NDRG2: variants seen among roughly 807,000 people sequenced by gnomAD.
NDRG2 encodes NDRG family member 2.
NDRG2 carries 34 observed loss-of-function variants against 58.2 expected under a neutral mutation model. The observed-to-expected ratio is 0.58, with a 90% CI of 0.44 to 0.78. The LOEUF (loss-of-function observed/expected upper bound fraction) is 0.78, where lower values mean the gene tolerates loss of function less well. Among genes scored for constraint, NDRG2 ranks in the 30% least tolerant of loss-of-function variants. The probability of loss-of-function intolerance (pLI) is 0.00; values close to 1 mark genes in which losing one functional copy is unlikely to be tolerated. For synonymous variants in NDRG2, 187 were observed against 175.9 expected (o/e 1.06, Z -0.50); for missense variants, 434 against 471.2 (o/e 0.92, Z 0.73).
Position 21,070,482 on chromosome 14 carries a change from T to C in NDRG2, c.24+346A>G. ...GCCCCCAAGTCCTCAGCCTGGTGCCTCCCGAGCCTGCCTCGGACTGTTCGG... is the reference window on the plus strand; with the variant it reads ...GCCCCCAAGTCCTCAGCCTGGTGCCCCCCGAGCCTGCCTCGGACTGTTCGG... On this transcript the variant is annotated intron_variant, in intron 1 of 14. Coordinates refer to the NDRG2 transcript ENST00000403829. The surrounding 1 kb of genome is among the most constrained non-coding windows in gnomAD (Gnocchi z 4.7). 1 of 1,343,074 alleles carries C rather than the reference T, an allele frequency of 7.4e-7. No homozygotes were observed. The highest frequency in any genetic ancestry group is 1.9e-5 in the South Asian group (1 of 51,724). The allele number at this position is 1,343,074 out of a possible 1,614,324, so 83.2% of individuals were successfully genotyped here.
chr14:21,044,618 C>T (rs1885062095), intron 1 of NDRG2, among the ~76,000 whole-genome samples: 1 of 152,188 alleles, frequency 6.6e-6, no homozygotes, highest in Non-Finnish European at 1.5e-5. Context: ...CCCTGGGCTA[C>T]AGATACCATT....
At chr14:21,034,862 G>A (rs370986689) in intron 1 of NDRG2, 158 of 153,246 alleles carry the variant, frequency 1.0e-3, no homozygotes, top group Middle Eastern at 3.4e-3. Context: ...GAGGAAAGAG[G>A]CATTACTATC....
At chr14:21,041,254 C>G (rs938108698) in intron 1 of NDRG2, among the ~76,000 whole-genome samples, 2 of 152,162 alleles carry the variant, frequency 1.3e-5, no homozygotes, top group Non-Finnish European at 2.9e-5. Flanking sequence ...CATGGCCTCC[C>G]AAAGTGCTAG....
chr14:21,053,424 G>A (rs1211287806), intron 1 of NDRG2, among the ~76,000 whole-genome samples: 7 of 152,102 alleles, frequency 4.6e-5, no homozygotes, highest in African/African-American at 1.4e-4. Context: ...TCAGGAGTTC[G>A]AGACCAGCCT....
chr14:21,021,920 C>T, intron 5 of NDRG2, 41 bp from the exon 6 acceptor site: 2 of 1,611,412 alleles, frequency 1.2e-6, no homozygotes, highest in Non-Finnish European at 1.7e-6. Flanking sequence ...CCAACCTGCC[C>T]TCACACCCCC....
chr14:21,033,560 G>C (rs1220241555), intron 1 of NDRG2: 2 of 526,940 alleles, frequency 3.8e-6, no homozygotes, highest in Non-Finnish European at 6.9e-6. Context: ...TTCTTGGGTG[G>C]GTTTTACTGT....
intron 1 of NDRG2, among the ~76,000 whole-genome samples, chr14:21,039,126 A>C (rs2139105523): frequency 6.6e-6 from 1 of 152,328 alleles, no homozygotes; most frequent in African/African-American, 2.4e-5. Context: ...TTGGCTCTGA[A>C]GGGTAGGCAC....
chr14:21,020,224 G>A, intron 8 of NDRG2: 3 of 545,702 alleles, frequency 5.5e-6, no homozygotes, highest in Non-Finnish European at 6.5e-6. Context: ...AACCCAGGAA[G>A]CAGAGGTTGC....
chr14:21,043,068 G>C lies in NDRG2; in HGVS notation c.25-19747C>G, dbSNP rs376063080. On this transcript the variant is annotated intron_variant, in intron 1 of 14. Transcript: ENST00000403829. ...GGGGCTGTGGGTGGCAGAGATCCCA[G>C]TCAGTGCCAAGCCCAAGGGCATGAC... 4.3e-5 allele frequency: 70 copies of C among 1,614,082 alleles called. No individual in the cohort carries two copies. Among genetic ancestry groups the C allele is most frequent in the Middle Eastern group, 1.6e-4 (1 of 6,084 alleles).
rs1287162382 is a variant in NDRG2 at position 21,070,802 on chromosome 14, C to T, written c.24+26G>A. The T allele has an allele frequency of 7.8e-6, 12 of 1,535,298 alleles. No individual in the cohort carries two copies. The highest frequency in any genetic ancestry group is 2.0e-5 in the Admixed American group (1 of 50,978). On this transcript the variant is annotated intron_variant, in intron 1 of 14. Transcript: ENST00000403829. This position sits in a 1 kb window ranked among gnomAD's most constrained non-coding sequence, Gnocchi z 4.7. ...TCCTGCAGCGACCCTGGAAGAGGCC[C>T]GGCCCCTCGGGTCATGAGAACTGAC...
chr14:21,069,195 CG>C (rs1269643810), intron 1 of NDRG2, among the ~76,000 whole-genome samples: 1 of 152,262 alleles, frequency 6.6e-6, no homozygotes, highest in Non-Finnish European at 1.5e-5. Flanking sequence ...TGCCTCCCCC[CG>C]GGCTCCTGGG....
intron 1 of NDRG2, chr14:21,031,364 A>T (rs541370774): frequency 1.7e-6 from 1 of 603,770 alleles, no homozygotes; most frequent in Admixed American, 3.6e-5. Context: ...GGCTATTTTA[A>T]TAGTAGATTT....
At chr14:21,067,837 A>G (rs1886353880) in intron 1 of NDRG2, among the ~76,000 whole-genome samples, 1 of 151,912 alleles carries the variant, frequency 6.6e-6, no homozygotes, top group Admixed American at 6.5e-5. Flanking sequence ...AACTGCTGCA[A>G]CCACATGTCA....
intron 12 of NDRG2, 110 bp from the exon 13 acceptor site, chr14:21,018,614 A>G (rs1435367120): frequency 6.4e-7 from 1 of 1,556,610 alleles, no homozygotes; most frequent in South Asian, 1.2e-5. Context: ...CTCCCTACCC[A>G]GTTCCTCCTT....
chr14:21,060,326 A>G (rs1230151297), intron 1 of NDRG2, among the ~76,000 whole-genome samples: 1 of 151,686 alleles, frequency 6.6e-6, no homozygotes, highest in East Asian at 1.9e-4. Context: ...CCCCCTCCAC[A>G]TTGCCCTGCC....
At chr14:21,034,313 G>T in intron 1 of NDRG2, 1 of 1,574,668 alleles carries the variant, frequency 6.4e-7, no homozygotes, top group Non-Finnish European at 8.7e-7. Flanking sequence ...GAGTTAAGGT[G>T]GTTGGGGGCA....
chr14:21,018,373 C>T, intron 13 of NDRG2, 84 bp downstream of exon 13: 4 of 1,605,816 alleles, frequency 2.5e-6, no homozygotes, highest in Non-Finnish European at 3.4e-6. Flanking sequence ...CCCATTTGCT[C>T]CCATGCCGGG....
intron 1 of NDRG2, among the ~76,000 whole-genome samples, chr14:21,062,708 AGTGTGTGTGTGT>A (rs71416997): frequency 1.5e-5 from 2 of 130,976 alleles, no homozygotes; most frequent in South Asian, 2.7e-4. Flanking sequence ...GGCTGGGCAC[AGTGTGTGTGTGT>A]GTGTGTGTGT....
intron 1 of NDRG2, among the ~76,000 whole-genome samples, chr14:21,049,482 C>T (rs1028685496): frequency 1.3e-5 from 2 of 152,046 alleles, no homozygotes; most frequent in Non-Finnish European, 2.9e-5. Flanking sequence ...CTGCTTGGGT[C>T]GTGGCATTTA....
Sources: gnomAD v4.1 joint callset for allele counts (sites outside exome capture counted in the v4.1 genomes callset) on GRCh38, gnomAD v4.1.1 for gene constraint, Gnocchi (gnomAD v3.1) non-coding constraint, MANE v1.5 for transcripts, NCBI Gene and HGNC (gene_info 2026-07-23, HGNC 2026-07-21) for gene names.